The following SESN1 variants were observed in gnomAD, a reference collection of about 807,000 sequenced individuals.
SESN1 encodes the protein sestrin-1.
In SESN1, 30 loss-of-function variants were observed where a neutral mutation model predicts 59.3. The observed-to-expected ratio is 0.51, with a 90% confidence interval of 0.38 to 0.69. The LOEUF is 0.69. Ranked by LOEUF, SESN1 falls within the 30% of genes least tolerant of loss-of-function variation. The probability of loss-of-function intolerance (pLI) is 0.00; values close to 1 mark genes in which losing one functional copy is unlikely to be tolerated. For synonymous variants in SESN1, 197 were observed against 219.9 expected (o/e 0.90, Z 0.92); for missense variants, 566 against 673.0 (o/e 0.84, Z 1.76).
chr6:109,049,078 A>T (rs1369196171), intron 1 of SESN1, among the ~76,000 whole-genome samples: 3 of 152,186 alleles, frequency 2.0e-5, no homozygotes, highest in African/African-American at 7.2e-5. Flanking sequence ...GACAGCTATG[A>T]TTTCTGCAAG....
At chr6:109,084,471 T>C (rs1160720395) in intron 1 of SESN1, among the ~76,000 whole-genome samples, 1 of 152,080 alleles carries the variant, frequency 6.6e-6, no homozygotes, top group Non-Finnish European at 1.5e-5. Flanking sequence ...GGAGAATCGT[T>C]TGAACCCTGA....
intron 1 of SESN1, among the ~76,000 whole-genome samples, chr6:109,022,163 C>T (rs1780022371): frequency 6.6e-6 from 1 of 151,870 alleles, no homozygotes; most frequent in Admixed American, 6.6e-5. Flanking sequence ...AGTCCTTTTA[C>T]TCCTAACGGG....
At chr6:109,044,311 C>CAAAAAAAAAAA (rs71015570) in intron 1 of SESN1, among the ~76,000 whole-genome samples, 5 of 28,458 alleles carry the variant, frequency 1.8e-4, no homozygotes, top group Non-Finnish European at 2.2e-4. Flanking sequence ...GAACTTGCCT[C>CAAAAAAAAAAA]AAAAAAAAAA....
intron 1 of SESN1, among the ~76,000 whole-genome samples, chr6:109,031,694 G>A (rs547929351): frequency 1.3e-5 from 2 of 152,230 alleles, no homozygotes; most frequent in East Asian, 3.9e-4. Flanking sequence ...AGCTCCCAGG[G>A]TAGGAAATGG....
intron 8 of SESN1, among the ~76,000 whole-genome samples, chr6:108,990,248 A>G (rs1029056267): frequency 4.6e-5 from 7 of 152,242 alleles, no homozygotes; most frequent in African/African-American, 1.7e-4. Flanking sequence ...GAAGGAGCCT[A>G]AGAACAGCCA....
chr6:109,058,748 C>G (rs573363955), intron 1 of SESN1, among the ~76,000 whole-genome samples: 1 of 152,040 alleles, frequency 6.6e-6, no homozygotes, highest in South Asian at 2.1e-4. Flanking sequence ...AGAAAAATGA[C>G]AGGAAATCCC....
intron 1 of SESN1, among the ~76,000 whole-genome samples, chr6:109,031,940 T>C (rs1418646768): frequency 6.6e-6 from 1 of 152,210 alleles, no homozygotes; most frequent in Non-Finnish European, 1.5e-5. Context: ...AATTCACTTG[T>C]TTCATATACA....
At chr6:109,009,093 GTC>G in intron 1 of SESN1, 8 of 797,790 alleles carry the variant, frequency 1.0e-5, no homozygotes, top group Non-Finnish European at 1.3e-5. Context: ...CGCGGCCGCA[GTC>G]TCTCCCAGCT....
intron 1 of SESN1, among the ~76,000 whole-genome samples, chr6:109,089,528 C>T (rs1248509902): frequency 2.0e-5 from 3 of 152,122 alleles, no homozygotes; most frequent in African/African-American, 7.2e-5. Flanking sequence ...AGAACTAGAA[C>T]AGCGGTATCG....
chr6:109,037,272 T>A (rs1216458278), intron 1 of SESN1, among the ~76,000 whole-genome samples: 1 of 152,232 alleles, frequency 6.6e-6, no homozygotes, highest in South Asian at 2.1e-4. Flanking sequence ...CCATTAAGGT[T>A]ATAAAAATTT....
intron 1 of SESN1, among the ~76,000 whole-genome samples, chr6:109,005,197 A>G (rs568356365): frequency 1.3e-5 from 2 of 152,354 alleles, no homozygotes; most frequent in East Asian, 1.9e-4. Flanking sequence ...CTGTTTCAAT[A>G]AAGTTCAGCA....
intron 1 of SESN1, among the ~76,000 whole-genome samples, chr6:109,042,868 A>G (rs555447872): frequency 5.1e-4 from 77 of 152,202 alleles, no homozygotes; most frequent in African/African-American, 1.9e-3. Flanking sequence ...GCTAGTATTA[A>G]CCTAATACCA....
intron 1 of SESN1, among the ~76,000 whole-genome samples, chr6:109,009,754 G>A (rs573129989): frequency 6.6e-6 from 1 of 152,236 alleles, no homozygotes; most frequent in African/African-American, 2.4e-5. Context: ...CCCACGAACA[G>A]CTAATTCTCA....
rs1048535718 is a variant in SESN1 at position 108,994,537 on chromosome 6, C to G, written c.1045G>C (p.Glu349Gln). 1.2e-5 allele frequency: 20 copies of G among 1,613,454 alleles called. No individual in the cohort carries two copies. The highest frequency in any genetic ancestry group is 1.7e-5 in the Admixed American group (1 of 59,968). Residue 349 changes from glutamate to glutamine, a missense_variant, in exon 6 of 10, where the codon GAA becomes CAA. By Grantham distance (29) the Glu-to-Gln change is conservative. Coordinates refer to ENST00000436639, the MANE Select transcript of SESN1 (RefSeq NM_014454.3). ...GCCATCTCTTCCTGACTTGCCTCTTCTTCATCTCGACATTCCTGTAACTGC... is the reference window on the plus strand; with the variant it reads ...GCCATCTCTTCCTGACTTGCCTCTTGTTCATCTCGACATTCCTGTAACTGC... ...MRQLQECRDE[E>Q]EASQEEMASR...
intron 9 of SESN1, 113 bp from the exon 10 acceptor site, chr6:108,987,743 G>T: frequency 1.9e-6 from 1 of 526,514 alleles, no homozygotes; most frequent in Non-Finnish European, 3.4e-6. Context: ...TTCCTATGTA[G>T]TACAGCATAA....
At chr6:108,993,417 T>G (rs1056142883) in intron 6 of SESN1, among the ~76,000 whole-genome samples, 1 of 152,226 alleles carries the variant, frequency 6.6e-6, no homozygotes, top group Admixed American at 6.5e-5. Flanking sequence ...GATGAGATTA[T>G]AGTTTCATGT....
intron 1 of SESN1, among the ~76,000 whole-genome samples, chr6:109,012,612 A>G (rs1340996867): frequency 6.6e-6 from 1 of 152,168 alleles, no homozygotes; most frequent in African/African-American, 2.4e-5. Flanking sequence ...AAGACACCTG[A>G]GCTACAGCTT....
chr6:109,018,591 C>G (rs1779961608), intron 1 of SESN1, among the ~76,000 whole-genome samples: 1 of 152,168 alleles, frequency 6.6e-6, no homozygotes, highest in African/African-American at 2.4e-5. Context: ...CACATCCCAT[C>G]ATGATTCCTT....
chr6:108,995,234 G>T (rs867867555), intron 5 of SESN1, among the ~76,000 whole-genome samples: 2 of 152,096 alleles, frequency 1.3e-5, no homozygotes, highest in Non-Finnish European at 2.9e-5. Flanking sequence ...GCAGAACTGC[G>T]TAAGATAACT....
Sources: gnomAD v4.1 joint callset for allele counts (sites outside exome capture counted in the v4.1 genomes callset) on GRCh38, gnomAD v4.1.1 for gene constraint, MANE v1.5 for transcripts, NCBI Gene and HGNC (gene_info 2026-07-23, HGNC 2026-07-21) for gene names.